Variants in CACNG6 observed in about 807,000 individuals in gnomAD.
CACNG6 encodes the protein voltage-dependent calcium channel gamma-6 subunit.
CACNG6 carries 21 observed loss-of-function variants against 23.9 expected under a neutral mutation model. The ratio of observed to expected loss-of-function variants is 0.88; its 90% CI spans 0.62 to 1.26. The LOEUF (loss-of-function observed/expected upper bound fraction) is 1.26. CACNG6 is among the 50% of genes most tolerant of loss of function. The probability of loss-of-function intolerance (pLI) is 0.00; values close to 1 mark genes in which losing one functional copy is unlikely to be tolerated. For missense variants in CACNG6, 340 were observed against 352.9 expected (o/e 0.96, Z 0.29); for synonymous variants, 182 against 168.9 (o/e 1.08, Z -0.60).
intron 3 of CACNG6, among the ~76,000 whole-genome samples, chr19:54,009,493 T>C (rs1450200844): frequency 6.7e-6 from 1 of 150,374 alleles, no homozygotes; most frequent in Non-Finnish European, 1.5e-5. Context: ...GGAGCACACC[T>C]GTAGTCGCAG....
In CACNG6 at chr19:53,993,282, G is replaced by T. The variant is rs972151221; in HGVS notation, c.331+74G>T. On this transcript the variant is annotated intron_variant, in intron 1 of 3. Transcript: ENST00000252729. ...AGGGAGAGGGGCCCGTGTCCGAGGA[G>T]AAAACCCGCCCCAGGGACAAAAGCC... The T allele has an allele frequency of 3.5e-6, 5 of 1,411,626 alleles. No individual in the cohort carries two copies. In the African/African-American group the frequency reaches 7.4e-5, roughly 21 times the overall value. The allele number at this position is 1,411,626 out of a possible 1,614,324, so 87.4% of individuals were successfully genotyped here.
chr19:53,991,861 T>A lies in CACNG6; in HGVS notation c.-1017T>A, dbSNP rs1292422095. ...GGACTGATCCCGAAGGGGCGCAGCG[T>A]CTCTTGCGGGTCGCGGTTGGCCTTT... On this transcript the variant is annotated 5_prime_UTR_variant, in exon 1 of 4. Coordinates refer to ENST00000252729, the MANE Select transcript of CACNG6 (RefSeq NM_145814.2). 6.6e-6 allele frequency among the ~76,000 whole-genome samples: 1 copy of A among 151,982 alleles called. No homozygotes were observed.
intron 3 of CACNG6, among the ~76,000 whole-genome samples, chr19:54,003,796 T>G (rs1219817469): frequency 1.3e-5 from 2 of 152,212 alleles, no homozygotes; most frequent in Non-Finnish European, 1.5e-5. Flanking sequence ...TTCTCTATGC[T>G]TCTCCTTTTA....
At position 53,998,314 on chromosome 19, in the gene CACNG6, G is replaced by A. The variant is rs780976249; in HGVS notation, c.406+1G>A. 6.2e-7 allele frequency: 1 copy of A among 1,613,616 alleles called. No individual in the cohort carries two copies. ...ATCTTTCAGAGAACCACAAAGAAAGGTGAGAACTTTTCACCCCCTGCTGGG... is the reference window on the plus strand; with the variant it reads ...ATCTTTCAGAGAACCACAAAGAAAGATGAGAACTTTTCACCCCCTGCTGGG... On this transcript the variant is annotated splice_donor_variant, in intron 2 of 3. Transcript: ENST00000252729. LOFTEE classifies it high-confidence loss of function.
At chr19:53,998,174 CAGCCCTG>C in intron 1 of CACNG6, 58 bp from the exon 2 acceptor site, 1 of 1,427,428 alleles carries the variant, frequency 7.0e-7, no homozygotes, top group South Asian at 1.2e-5. Flanking sequence ...GTTAACTGTC[CAGCCCTG>C]AGCTTACGCA....
At chr19:54,008,291 T>C (rs976849597) in intron 3 of CACNG6, among the ~76,000 whole-genome samples, 3 of 152,084 alleles carry the variant, frequency 2.0e-5, no homozygotes, top group African/African-American at 4.8e-5. Flanking sequence ...AGGCAGAGGC[T>C]GCAGTGAGCT....
chr19:54,010,618 A>G (rs2069695545), intron 3 of CACNG6, among the ~76,000 whole-genome samples: 1 of 152,034 alleles, frequency 6.6e-6, no homozygotes, highest in Non-Finnish European at 1.5e-5. Context: ...TGTGTTGTCC[A>G]GGCTGGAGTG....
At chr19:53,998,441 C>G in intron 2 of CACNG6, 128 bp downstream of exon 2, 1 of 744,476 alleles carries the variant, frequency 1.3e-6, no homozygotes, top group Non-Finnish European at 2.2e-6. Context: ...TAATCTGTGG[C>G]TGTCCCCTGG....
chr19:54,001,576 C>A (rs545561641), intron 3 of CACNG6, among the ~76,000 whole-genome samples: 1 of 152,170 alleles, frequency 6.6e-6, no homozygotes, highest in East Asian at 1.9e-4. Flanking sequence ...AACGCCAGCA[C>A]CAAATTCCTA....
At chr19:53,993,967 A>C (rs1169498225) in intron 1 of CACNG6, among the ~76,000 whole-genome samples, 2 of 151,866 alleles carry the variant, frequency 1.3e-5, no homozygotes, top group Non-Finnish European at 2.9e-5. Flanking sequence ...GATTCCAGAC[A>C]CAGCTGGTGT....
At chr19:53,996,440 T>G (rs1162547438) in intron 1 of CACNG6, among the ~76,000 whole-genome samples, 1 of 151,184 alleles carries the variant, frequency 6.6e-6, no homozygotes, top group Non-Finnish European at 1.5e-5. Flanking sequence ...TCACCCATGC[T>G]GGATTGCAGT....
intron 1 of CACNG6, among the ~76,000 whole-genome samples, chr19:53,997,230 C>T (rs923487988): frequency 6.6e-6 from 1 of 152,014 alleles, no homozygotes; most frequent in Non-Finnish European, 1.5e-5. Flanking sequence ...TTTTGATCAA[C>T]ACTGTGTTTC....
At position 54,002,574 on chromosome 19, in the gene CACNG6, C is replaced by T. The variant is rs146585092; in HGVS notation, c.544+2803C>T. Among the ~76,000 whole-genome samples, 723 of 151,354 alleles carry T rather than the reference C, an allele frequency of 4.8e-3. 4 individuals are homozygous for T. Among genetic ancestry groups the T allele is most frequent in the Middle Eastern group, 0.017 (5 of 294 alleles). The stretch of plus-strand genomic sequence containing the variant: ...ATGCTGTGCTAGGAGCCGCTGAGGA[C>T]GCAACGATGAATAAAATAAAGATGA... On this transcript the variant is annotated intron_variant, in intron 3 of 3. Coordinates refer to ENST00000252729, the MANE Select transcript of CACNG6 (RefSeq NM_145814.2).
chr19:53,991,525 G>C (rs1568808506), upstream of CACNG6, among the ~76,000 whole-genome samples: 1 of 151,038 alleles, frequency 6.6e-6, no homozygotes, highest in Non-Finnish European at 1.5e-5. Flanking sequence ...AACAGGCGCC[G>C]GGCGACAGGT....
intron 3 of CACNG6, among the ~76,000 whole-genome samples, chr19:54,010,147 A>C (rs1286942902): frequency 6.7e-6 from 1 of 148,618 alleles, no homozygotes; most frequent in Non-Finnish European, 1.5e-5. Flanking sequence ...CAGCCTCCCG[A>C]GTAGCTGGGA....
At position 53,993,024 on chromosome 19, in the gene CACNG6, C is replaced by CGTG; in HGVS notation, c.148_149insTGG (p.Gly49_Ala50insVal). On this transcript the variant is annotated inframe_insertion, in exon 1 of 4. Transcript: ENST00000252729. ...TGGCGCTGCTGCTGGCCGCCGTGGG[C>CGTG]GCCACGCTGGCGGTGCTGTCCGTGG... 6.8e-7 allele frequency: 1 copy of CGTG among 1,469,684 alleles called. No homozygotes were observed. The allele number at this position is 1,469,684 out of a possible 1,614,324, so 91.0% of individuals were successfully genotyped here.
At chr19:53,993,766 C>T (rs2069493194) in intron 1 of CACNG6, among the ~76,000 whole-genome samples, 1 of 151,262 alleles carries the variant, frequency 6.6e-6, no homozygotes, top group Admixed American at 6.6e-5. Context: ...CTTACACCAG[C>T]CTGTGCCCTC....
At chr19:54,002,639 G>T (rs536191730) in intron 3 of CACNG6, among the ~76,000 whole-genome samples, 1 of 152,152 alleles carries the variant, frequency 6.6e-6, no homozygotes, top group East Asian at 1.9e-4. Context: ...TAGGAATTTA[G>T]TGCTGGTGTT....
intron 3 of CACNG6, among the ~76,000 whole-genome samples, chr19:54,011,205 A>AAAAAAATATATATATATATATATAT (rs58054808): frequency 9.8e-6 from 1 of 102,546 alleles, no homozygotes; most frequent in African/African-American, 5.0e-5. Context: ...AAAAAAAAAA[A>AAAAAAATATATATATATATATATAT]ATATATATAT....
Sources: allele counts gnomAD v4.1 joint callset (sites outside exome capture counted in the v4.1 genomes callset), GRCh38; gene constraint gnomAD v4.1.1; transcripts MANE v1.5; gene names NCBI Gene and HGNC (gene_info 2026-07-23, HGNC 2026-07-21).